The following GRM8 variants were observed in gnomAD, a reference collection of about 807,000 sequenced individuals.
GRM8 encodes the protein glutamate metabotropic receptor 8.
In GRM8, 47 loss-of-function variants were observed where a neutral mutation model predicts 87.2. The observed-to-expected ratio is 0.54, with a 90% CI of 0.43 to 0.69. GRM8 has a LOEUF of 0.69. GRM8 is among the 30% of genes least tolerant of loss of function. GRM8 has a pLI of 0.00. For synonymous variants in GRM8, 396 were observed against 404.5 expected (o/e 0.98, Z 0.25); for missense variants, 1,019 against 1,139.2 (o/e 0.89, Z 1.52).
chr7:126,935,155 C>G (rs1806179111), intron 3 of GRM8, among the ~76,000 whole-genome samples: 1 of 152,134 alleles, frequency 6.6e-6, no homozygotes, highest in Non-Finnish European at 1.5e-5. Flanking sequence ...TTTGGGAAAT[C>G]TCAGTAGAAT....
chr7:127,034,664 T>C (rs1310317633), intron 3 of GRM8, among the ~76,000 whole-genome samples: 3 of 152,262 alleles, frequency 2.0e-5, no homozygotes, highest in South Asian at 2.1e-4. Context: ...GTCACAGAGG[T>C]ACATCCCTGA....
intron 8 of GRM8, among the ~76,000 whole-genome samples, chr7:126,565,031 G>T (rs1794083170): frequency 6.6e-6 from 1 of 152,048 alleles, no homozygotes; most frequent in Non-Finnish European, 1.5e-5. Flanking sequence ...AAACTGACAA[G>T]AAACTAGGAC....
At chr7:127,149,140 C>T (rs1828710303) in intron 2 of GRM8, among the ~76,000 whole-genome samples, 2 of 151,786 alleles carry the variant, frequency 1.3e-5, no homozygotes, top group African/African-American at 2.4e-5. Context: ...AAATGACAGC[C>T]TATAGATTGG....
chr7:126,591,434 A>C (rs1020880041), intron 8 of GRM8, among the ~76,000 whole-genome samples: 1 of 152,088 alleles, frequency 6.6e-6, no homozygotes, highest in Admixed American at 6.6e-5. Flanking sequence ...ATAGTGGGGG[A>C]CTTCAATACT....
intron 8 of GRM8, among the ~76,000 whole-genome samples, chr7:126,549,343 A>G (rs1792311159): frequency 6.6e-6 from 1 of 152,128 alleles, no homozygotes; most frequent in Non-Finnish European, 1.5e-5. Flanking sequence ...ACATAAGATT[A>G]TTTTGGTGGG....
chr7:126,837,925 C>A (rs1795948645), intron 6 of GRM8, among the ~76,000 whole-genome samples: 1 of 152,102 alleles, frequency 6.6e-6, no homozygotes, highest in South Asian at 2.1e-4. Context: ...AGCAGTACTG[C>A]AGAAAATCAA....
rs951896973 is a variant in GRM8 at position 126,462,180 on chromosome 7, T to A, written c.2431-15808A>T. On this transcript the variant is annotated intron_variant, in intron 9 of 10. Transcript: ENST00000339582. ...TTTACCACACTTTACTGTGACAGAA[T>A]GTGAACTTTTCCAAGTGTGAAAATA... is the stretch of plus-strand genomic sequence containing the variant. Among the ~76,000 whole-genome samples the A allele has an allele frequency of 2.6e-5, 4 of 151,628 alleles. No homozygotes were observed. In the East Asian group the frequency reaches 5.8e-4, roughly 22 times the overall value.
chr7:126,930,191 C>G (rs1240489941), intron 3 of GRM8, among the ~76,000 whole-genome samples: 1 of 152,138 alleles, frequency 6.6e-6, no homozygotes, highest in Non-Finnish European at 1.5e-5. Flanking sequence ...TGCCTGTGCT[C>G]AAAACCCAGT....
chr7:126,967,682 T>C (rs1810016414), intron 3 of GRM8, among the ~76,000 whole-genome samples: 2 of 152,180 alleles, frequency 1.3e-5, no homozygotes, highest in South Asian at 4.1e-4. Flanking sequence ...TTTAAAATGT[T>C]CAATCACATA....
chr7:127,035,611 T>A (rs553276940), intron 3 of GRM8, among the ~76,000 whole-genome samples: 2 of 152,266 alleles, frequency 1.3e-5, no homozygotes, highest in African/African-American at 4.8e-5. Context: ...TTCCTCTCTA[T>A]CTTCCACCTT....
intron 9 of GRM8, among the ~76,000 whole-genome samples, chr7:126,468,194 A>G (rs992950709): frequency 2.6e-5 from 4 of 152,046 alleles, no homozygotes; most frequent in African/African-American, 9.7e-5. Flanking sequence ...ACAATCCCAG[A>G]GAGACAACTG....
intron 8 of GRM8, among the ~76,000 whole-genome samples, chr7:126,589,876 C>A (rs183873413): frequency 1.3e-5 from 2 of 152,254 alleles, no homozygotes; most frequent in African/African-American, 4.8e-5. Flanking sequence ...ACAGTCTGAA[C>A]AGAAGCCCTT....
chr7:126,494,427 C>A (rs1808438742), intron 9 of GRM8, among the ~76,000 whole-genome samples: 1 of 151,918 alleles, frequency 6.6e-6, no homozygotes, highest in South Asian at 2.1e-4. Flanking sequence ...GCTTTAGGAG[C>A]CCTATCATCT....
intron 7 of GRM8, among the ~76,000 whole-genome samples, chr7:126,735,667 A>G (rs924287554): frequency 6.6e-6 from 1 of 152,108 alleles, no homozygotes; most frequent in Non-Finnish European, 1.5e-5. Flanking sequence ...TTTTTTCAGA[A>G]TGAAAAGCTA....
chr7:126,772,665 A>T (rs1200975193), intron 6 of GRM8, among the ~76,000 whole-genome samples: 2 of 152,124 alleles, frequency 1.3e-5, no homozygotes, highest in African/African-American at 4.8e-5. Flanking sequence ...AATAAAAATA[A>T]TTCTTTCATG....
chr7:127,151,396 G>A (rs983061077), intron 2 of GRM8, among the ~76,000 whole-genome samples: 9 of 151,890 alleles, frequency 5.9e-5, no homozygotes, highest in Admixed American at 3.9e-4. Flanking sequence ...GATCTTCCTC[G>A]GATTTCTACC....
chr7:127,226,286 G>A (rs1192462869), intron 2 of GRM8, among the ~76,000 whole-genome samples: 3 of 152,162 alleles, frequency 2.0e-5, no homozygotes, highest in Admixed American at 6.5e-5. Context: ...GCTGTAGAGG[G>A]CAGAGTCAGG....
chr7:127,164,149 C>T (rs1386504038), intron 2 of GRM8, among the ~76,000 whole-genome samples: 1 of 152,106 alleles, frequency 6.6e-6, no homozygotes, highest in Non-Finnish European at 1.5e-5. Flanking sequence ...TCCCCCCTCA[C>T]TCTCTTGCTC....
chr7:126,672,011 T>C (rs1163126835), intron 7 of GRM8, among the ~76,000 whole-genome samples: 1 of 152,176 alleles, frequency 6.6e-6, no homozygotes, highest in African/African-American at 2.4e-5. Flanking sequence ...ATCTGAGGGA[T>C]CCAGAGGCAG....
Sources: allele counts gnomAD v4.1 joint callset (sites outside exome capture counted in the v4.1 genomes callset), GRCh38; gene constraint gnomAD v4.1.1; transcripts MANE v1.5; gene names NCBI Gene and HGNC (gene_info 2026-07-23, HGNC 2026-07-21).